The following PPP1R3A variants were observed in gnomAD, a reference collection of about 807,000 sequenced individuals.
PPP1R3A encodes the protein RG1.
PPP1R3A carries 29 observed loss-of-function variants against 41.7 expected under a neutral mutation model. That is an observed-to-expected ratio of 0.70 (90% CI 0.52 to 0.95). The LOEUF is 0.95. PPP1R3A is among the 40% of genes least tolerant of loss of function. The pLI, the probability that PPP1R3A is intolerant of heterozygous loss-of-function variation, is 0.00. For synonymous variants in PPP1R3A, 485 were observed against 453.4 expected, an observed-to-expected ratio of 1.07 and a Z score of -0.89; for missense variants, 1,352 against 1,292.4, an observed-to-expected ratio of 1.05 and a Z score of -0.71.
At chr7:113,891,774 T>A (rs2129116584) in intron 1 of PPP1R3A, among the ~76,000 whole-genome samples, 1 of 152,170 alleles carries the variant, frequency 6.6e-6, no homozygotes, top group East Asian at 1.9e-4. Flanking sequence ...AGTATAATAA[T>A]ATGGTTTTTC....
intron 1 of PPP1R3A, among the ~76,000 whole-genome samples, chr7:113,913,628 TACAA>T (rs1342040479): frequency 6.6e-6 from 1 of 151,930 alleles, no homozygotes; most frequent in Non-Finnish European, 1.5e-5. Flanking sequence ...CTTAATAAAA[TACAA>T]AACCAGATGA....
chr7:113,878,736 T>C lies in PPP1R3A; in HGVS notation c.2356A>G (p.Thr786Ala). The change falls in exon 4 of 4, where the codon ACC becomes GCC. Residue 786 changes from threonine to alanine, a missense_variant. Physicochemically the swap from Thr to Ala is moderately conservative, Grantham distance 58. Transcript: ENST00000284601. Reference sequence around the variant, plus strand: ...CCTACTGTATCTCGTTGACAAAGGGTATAATGTGAATCATCATTTCTCCCT... The same window carrying C: ...CCTACTGTATCTCGTTGACAAAGGGCATAATGTGAATCATCATTTCTCCCT... ...HEGRNDDSHYTLCQRDTVGVI... is the reference protein window; with the variant it reads ...HEGRNDDSHYALCQRDTVGVI... 6.2e-7 allele frequency: 1 copy of C among 1,613,428 alleles called. No homozygotes were observed. Among genetic ancestry groups the C allele is most frequent in the South Asian group, 1.1e-5 (1 of 91,076 alleles).
Position 113,894,134 on chromosome 7 carries a change from T to A in PPP1R3A, c.783-11814A>T, listed in dbSNP as rs530109109. Reference sequence around the variant, plus strand: ...AGCTGTGTACTCTCCAAAGAGGCACTCAATTGTCAGGATCTAATGCATAAC... The same window carrying A: ...AGCTGTGTACTCTCCAAAGAGGCACACAATTGTCAGGATCTAATGCATAAC... On this transcript the variant is annotated intron_variant, in intron 1 of 3. Coordinates refer to ENST00000284601, the MANE Select transcript of PPP1R3A (RefSeq NM_002711.4). Among the ~76,000 whole-genome samples, 5 of 152,064 alleles carry A rather than the reference T, an allele frequency of 3.3e-5. 1 individual carries two copies. Among genetic ancestry groups the A allele is most frequent in the African/African-American group, 1.2e-4 (5 of 41,518 alleles).
chr7:113,912,356 A>G (rs543122053), intron 1 of PPP1R3A, among the ~76,000 whole-genome samples: 2 of 152,230 alleles, frequency 1.3e-5, no homozygotes, highest in Non-Finnish European at 2.9e-5. Context: ...AGGGGTCTCC[A>G]TTTAAGAAGG....
In PPP1R3A at chr7:113,879,452, T is replaced by C. The variant is rs776390351; in HGVS notation, c.1640A>G (p.Asn547Ser). 1.8e-5 allele frequency: 29 copies of C among 1,613,394 alleles called. No individual in the cohort carries two copies. Among genetic ancestry groups the C allele is most frequent in the Middle Eastern group, 3.3e-4 (2 of 6,084 alleles). Residue 547 changes from asparagine to serine, a missense_variant, in exon 4 of 4, where the codon AAC (asparagine) becomes AGC (serine). Physicochemically the swap from Asn to Ser is conservative, Grantham distance 46. Transcript: ENST00000284601. ...AATCCCTGCCACACTTATTTTAGGG[T>C]TACCCATCTTCCTTTCTTGGTCATG... is the stretch of plus-strand genomic sequence containing the variant. ...ILHDQERKMG[N>S]PKISVAGIGA...
Position 113,879,646 on chromosome 7 carries a change from C to T in PPP1R3A, c.1446G>A (p.Leu482=), listed in dbSNP as rs367553908. 4.8e-5 allele frequency: 78 copies of T among 1,613,090 alleles called. No homozygotes were observed. Among genetic ancestry groups the T allele is most frequent in the Non-Finnish European group, 5.8e-5 (68 of 1,179,674 alleles). ...GGAKNIEVKD[L]GCLRRDFHSD... ...AATGGAAATCTCTTCGTAAACATCC[C>T]AAATCTTTTACTTCAATATTTTTAG... Residue 482 remains leucine, a synonymous_variant, in exon 4 of 4, where the codon TTG becomes TTA. Coordinates refer to ENST00000284601, the MANE Select transcript of PPP1R3A (RefSeq NM_002711.4).
chr7:113,894,855 A>C (rs1196672413), intron 1 of PPP1R3A, among the ~76,000 whole-genome samples: 3 of 151,984 alleles, frequency 2.0e-5, no homozygotes, highest in Non-Finnish European at 4.4e-5. Context: ...GAATTAACAT[A>C]TTATTTTGAA....
At chr7:113,881,175 C>A (rs1796687024) in intron 3 of PPP1R3A, among the ~76,000 whole-genome samples, 1 of 151,992 alleles carries the variant, frequency 6.6e-6, no homozygotes, top group African/African-American at 2.4e-5. Context: ...AAGTAAATTG[C>A]ATACTTTAGT....
Position 113,880,136 on chromosome 7 carries a change from A to G in PPP1R3A, c.967-11T>C. On this transcript the variant is annotated splice_polypyrimidine_tract_variant and intron_variant, in intron 3 of 3. Transcript: ENST00000284601. ...TAAGTGTTGATTTATCTTATGGGAT[A>G]AAAACAACAAAGAAATAATGACCAT... The G allele has an allele frequency of 6.4e-7, 1 of 1,571,536 alleles. No homozygotes were observed. Among genetic ancestry groups the G allele is most frequent in the Non-Finnish European group, 8.8e-7 (1 of 1,142,724 alleles).
chr7:113,909,092 A>T (rs1276589989), intron 1 of PPP1R3A, among the ~76,000 whole-genome samples: 1 of 151,960 alleles, frequency 6.6e-6, no homozygotes, highest in Non-Finnish European at 1.5e-5. Flanking sequence ...TATGCAATAA[A>T]CCCATGTAAC....
chr7:113,882,181 T>G lies in PPP1R3A; in HGVS notation c.842-18A>C, dbSNP rs537685713. 3 of 1,609,288 alleles carry G rather than the reference T, an allele frequency of 1.9e-6. No individual in the cohort carries two copies. In the South Asian group the frequency reaches 3.3e-5, roughly 18 times the overall value. On this transcript the variant is annotated intron_variant, in intron 2 of 3. Coordinates refer to ENST00000284601, the MANE Select transcript of PPP1R3A (RefSeq NM_002711.4). ...ATAGGTATCTGAAAAGTTAATATAA[T>G]TGTGCCTATGTAAGATTGTTTTAAT...
At chr7:113,884,044 A>G (rs1796740127) in intron 1 of PPP1R3A, among the ~76,000 whole-genome samples, 1 of 151,986 alleles carries the variant, frequency 6.6e-6, no homozygotes, top group Non-Finnish European at 1.5e-5. Context: ...GAAATAAATG[A>G]AATTTAAATA....
chr7:113,916,226 A>G (rs1370392485), intron 1 of PPP1R3A, among the ~76,000 whole-genome samples: 1 of 152,028 alleles, frequency 6.6e-6, no homozygotes, highest in Non-Finnish European at 1.5e-5. Flanking sequence ...TTCCATTTTT[A>G]TAACTCATTA....
chr7:113,878,280 C>A lies in PPP1R3A; in HGVS notation c.2812G>T (p.Val938Phe). Residue 938 changes from valine to phenylalanine, a missense_variant, in exon 4 of 4, where the codon GTT becomes TTT. Physicochemically the swap from Val to Phe is conservative, Grantham distance 50. Transcript: ENST00000284601. The stretch of plus-strand genomic sequence containing the variant: ...ATAGGTTGGCTAGCCATGGTAGTAA[C>A]TGCATTCTCTACAGCAATTGCCTGC... ...NEQAIAVENAVTTMASQPIST... is the reference protein window; with the variant it reads ...NEQAIAVENAFTTMASQPIST... 1.2e-6 allele frequency: 2 copies of A among 1,613,160 alleles called. No homozygotes were observed. The highest frequency in any genetic ancestry group is 1.7e-6 in the Non-Finnish European group (2 of 1,179,546).
intron 1 of PPP1R3A, among the ~76,000 whole-genome samples, chr7:113,915,528 T>C (rs1436612208): frequency 2.0e-5 from 3 of 149,612 alleles, no homozygotes; most frequent in East Asian, 1.9e-4. Context: ...AAAAATCATA[T>C]ATATATATGT....
intron 1 of PPP1R3A, among the ~76,000 whole-genome samples, chr7:113,901,022 C>T (rs1797052502): frequency 1.3e-5 from 2 of 151,386 alleles, no homozygotes; most frequent in African/African-American, 4.8e-5. Context: ...TCAGAATTAG[C>T]AACTGGGTAC....
At chr7:113,882,219 C>T (rs373894609) in intron 2 of PPP1R3A, 43 bp downstream of exon 2, 5 of 1,581,296 alleles carry the variant, frequency 3.2e-6, no homozygotes, top group African/African-American at 2.7e-5. Flanking sequence ...TAGACTTTCA[C>T]AAAAGAGACA....
intron 3 of PPP1R3A, 83 bp downstream of exon 3, chr7:113,881,956 G>A: frequency 1.2e-5 from 18 of 1,500,988 alleles, no homozygotes; most frequent in Non-Finnish European, 1.6e-5. Flanking sequence ...ATTAGTTGAA[G>A]CTATTGAAAG....
At chr7:113,886,387 G>A (rs900430596) in intron 1 of PPP1R3A, among the ~76,000 whole-genome samples, 2 of 152,064 alleles carry the variant, frequency 1.3e-5, no homozygotes, top group African/African-American at 4.8e-5. Context: ...CCCTGCACAA[G>A]CTCTCTCTTT....
Sources: allele counts gnomAD v4.1 joint callset (sites outside exome capture counted in the v4.1 genomes callset), GRCh38; gene constraint gnomAD v4.1.1; transcripts MANE v1.5; gene names NCBI Gene and HGNC (gene_info 2026-07-23, HGNC 2026-07-21).